IQGAP1: variants seen among roughly 807,000 people sequenced by gnomAD.
IQGAP1 encodes the protein ras GTPase-activating-like protein IQGAP1.
Under a neutral mutation model 215.6 loss-of-function variants are expected in IQGAP1, and 66 were observed. The ratio of observed to expected loss-of-function variants is 0.31; its 90% CI spans 0.25 to 0.38. IQGAP1 has a LOEUF of 0.38. Ranked by LOEUF, IQGAP1 falls within the 10% of genes least tolerant of loss-of-function variation. IQGAP1 has a pLI of 1.00. For missense variants in IQGAP1, 1,712 were observed against 1,997.1 expected (o/e 0.86, Z 2.72); for synonymous variants, 772 against 728.7 (o/e 1.06, Z -0.96).
In IQGAP1 at chr15:90,388,795, A is replaced by C. The variant is rs374310292; in HGVS notation, c.55+399A>C. 1.8e-4 allele frequency among the ~76,000 whole-genome samples: 28 copies of C among 152,220 alleles called. No homozygotes were observed. In the East Asian group the frequency reaches 4.1e-3, roughly 22 times the overall value. On this transcript the variant is annotated intron_variant, in intron 1 of 37. Transcript: ENST00000268182. ...CCGTTTCGTGGAAAGGCGCTGCCCT[A>C]GTGTTGCCTGCGGGGTAGACCCAAG...
chr15:90,434,767 A>G (rs954813040), intron 5 of IQGAP1, among the ~76,000 whole-genome samples: 2 of 152,090 alleles, frequency 1.3e-5, no homozygotes, highest in East Asian at 3.8e-4. Context: ...AGAATGCTCC[A>G]ATTATAGCAT....
chr15:90,461,721 G>A (rs955875074), intron 15 of IQGAP1, among the ~76,000 whole-genome samples: 2 of 152,100 alleles, frequency 1.3e-5, no homozygotes, highest in Non-Finnish European at 2.9e-5. Flanking sequence ...CAGCTACTCA[G>A]GAGGCTGAGG....
In IQGAP1 at chr15:90,395,386, T is replaced by G. The variant is rs184393111; in HGVS notation, c.155+4513T>G. ...CCCGGGCCAGAGTGCAATGACGCTA[T>G]CTCGGCTCACTGCAAGCTCCGCCTC... On this transcript the variant is annotated intron_variant, in intron 2 of 37. Coordinates refer to ENST00000268182, the MANE Select transcript of IQGAP1 (RefSeq NM_003870.4). Among the ~76,000 whole-genome samples the G allele has an allele frequency of 2.9e-3, 445 of 152,154 alleles. 2 individuals are homozygous for G. The highest frequency in any genetic ancestry group is 0.014 in the Middle Eastern group (4 of 294).
Position 90,484,719 on chromosome 15 carries a change from C to G in IQGAP1, c.3921+367C>G, listed in dbSNP as rs560098779. Among the ~76,000 whole-genome samples the G allele has an allele frequency of 1.2e-3, 183 of 152,218 alleles. 1 individual carries two copies. The highest frequency in any genetic ancestry group is 4.2e-3 in the African/African-American group (173 of 41,548). On this transcript the variant is annotated intron_variant, in intron 30 of 37. Transcript: ENST00000268182. Reference sequence around the variant, plus strand: ...AGAGACGGGGTTTCACTGTGTTAGCCAGCATGGTGTCGATATCCTGACCTC... The same window carrying G: ...AGAGACGGGGTTTCACTGTGTTAGCGAGCATGGTGTCGATATCCTGACCTC...
At position 90,467,574 on chromosome 15, in the gene IQGAP1, T is replaced by TGAAA; in HGVS notation, c.2160_2161insGAAA (p.Ser721GlufsTer18). ...ATTTTGTGCAAAATTCTATGCAGCT[T>TGAAA]TCTCGGGAGGAGATCCAGGTAGGTT... On this transcript the variant is annotated frameshift_variant, in exon 18 of 38. Transcript: ENST00000268182. LOFTEE classifies it high-confidence loss of function. 6.2e-7 allele frequency: 1 copy of TGAAA among 1,611,314 alleles called. No individual in the cohort carries two copies. Among genetic ancestry groups the TGAAA allele is most frequent in the Non-Finnish European group, 8.5e-7 (1 of 1,179,072 alleles).
intron 31 of IQGAP1, chr15:90,486,585 A>G (rs10852132): frequency 0.21 from 38,183 of 182,240 alleles, 5,850 homozygotes; most frequent in African/African-American, 0.47. Context: ...ATAGAGATGG[A>G]GTCTCACTAT....
At position 90,390,799 on chromosome 15, in the gene IQGAP1, T is replaced by G. The variant is rs755017499; in HGVS notation, c.81T>G (p.Thr27=). The G allele has an allele frequency of 6.2e-7, 1 of 1,612,428 alleles. No individual in the cohort carries two copies. The highest frequency in any genetic ancestry group is 2.2e-5 in the East Asian group (1 of 44,886). The change falls in exon 2 of 38, where the codon ACT becomes ACG. Residue 27 remains threonine (T), a synonymous_variant. Coordinates refer to ENST00000268182, the MANE Select transcript of IQGAP1 (RefSeq NM_003870.4). The part of the protein sequence containing the change: ...YGSVLDNERL[T]AEEMDERRRQ... ...CTGTCCTGGATAATGAAAGACTTAC[T>G]GCAGAGGAGATGGATGAAAGGAGAC...
At chr15:90,439,258 C>A (rs1459860572) in intron 5 of IQGAP1, 74 bp from the exon 6 acceptor site, 3 of 1,030,890 alleles carry the variant, frequency 2.9e-6, no homozygotes, top group Admixed American at 3.7e-5. Flanking sequence ...ATACTTCATG[C>A]TGATTTTCGC....
Position 90,466,082 on chromosome 15 carries a change from G to A in IQGAP1, c.1858G>A (p.Ala620Thr), listed in dbSNP as rs763171893. Residue 620 changes from alanine to threonine, a missense_variant, in exon 16 of 38, where the codon GCA becomes ACA. By Grantham distance (58) the Ala-to-Thr change is moderately conservative. Coordinates refer to ENST00000268182, the MANE Select transcript of IQGAP1 (RefSeq NM_003870.4). The part of the protein sequence containing the change: ...IWQSNKDTQE[A>T]QKFALGIFAI... ...GCAGTCCAACAAAGACACCCAAGAA[G>A]CACAGAAGTGTATGTATCACCTGTT... 5.6e-6 allele frequency: 9 copies of A among 1,613,790 alleles called. No homozygotes were observed. The South Asian group carries it at 9.9e-5, about 18-fold the overall frequency.
chr15:90,482,226 T>G lies in IQGAP1; in HGVS notation c.3500T>G (p.Leu1167Arg). The change falls in exon 28 of 38, where the codon CTG (leucine) becomes CGG (arginine). Residue 1167 changes from leucine to arginine, a missense_variant. Leu to Arg is a moderately radical substitution (Grantham distance 102, BLOSUM62 -2). This residue lies in a region of IQGAP1 where 691 missense variants were observed against 923.0 expected (regional missense o/e 0.75). Coordinates refer to ENST00000268182, the MANE Select transcript of IQGAP1 (RefSeq NM_003870.4). ...GGGATGCGCTTCATTGCCAAAGTGC[T>G]GAAGGACTCGTTGCATGAGAAGTTC... ...PYGMRFIAKVLKDSLHEKFPD... is the reference protein window; with the variant it reads ...PYGMRFIAKVRKDSLHEKFPD... 6.2e-7 allele frequency: 1 copy of G among 1,614,254 alleles called. No individual in the cohort carries two copies. The highest frequency in any genetic ancestry group is 8.5e-7 in the Non-Finnish European group (1 of 1,180,036).
In IQGAP1 at chr15:90,499,108, A is replaced by C. The variant is rs188698070; in HGVS notation, c.4861-887A>C. ...TGGGATGACAGGCGTGAGCCACCAC[A>C]CCCGGCCTTGTGGGGTCCTTTCAAG... is the stretch of plus-strand genomic sequence containing the variant. On this transcript the variant is annotated intron_variant, in intron 37 of 37. Transcript: ENST00000268182. Among the ~76,000 whole-genome samples the C allele has an allele frequency of 8.5e-5, 13 of 152,164 alleles. No individual in the cohort carries two copies. The East Asian group carries it at 2.3e-3, about 27-fold the overall frequency.
chr15:90,444,061 CA>C (rs200855513), intron 9 of IQGAP1, among the ~76,000 whole-genome samples: 24,272 of 144,424 alleles, frequency 0.17, 2,653 homozygotes, highest in East Asian at 0.46. Context: ...GACTCTGTCT[CA>C]AAAAAAAAAA....
intron 15 of IQGAP1, among the ~76,000 whole-genome samples, chr15:90,461,443 T>TG (rs1965760237): frequency 6.6e-6 from 1 of 152,244 alleles, no homozygotes; most frequent in South Asian, 2.1e-4. Flanking sequence ...TTAGTGTTTG[T>TG]GGGACTCTTG....
In IQGAP1 at chr15:90,450,910, A is replaced by G. The variant is rs1596272871; in HGVS notation, c.1162+1267A>G. Among the ~76,000 whole-genome samples the G allele has an allele frequency of 2.1e-5, 3 of 141,724 alleles. No individual in the cohort carries two copies. The South Asian group carries it at 6.5e-4, about 31-fold the overall frequency. The allele number at this position is 141,724 out of a possible 152,430, so 93.0% of individuals were successfully genotyped here. A position where few individuals can be genotyped will look rare whatever the true frequency, so the allele number is the denominator to read the frequency against. ...GTTTGCAAATGTTTTCTCCTGTTCT[A>G]TATGTTGTCTCTTCACTTTGTTGTT... is the stretch of plus-strand genomic sequence containing the variant. On this transcript the variant is annotated intron_variant, in intron 11 of 37. Coordinates refer to ENST00000268182, the MANE Select transcript of IQGAP1 (RefSeq NM_003870.4).
Position 90,395,573 on chromosome 15 carries a change from G to T in IQGAP1, c.155+4700G>T, listed in dbSNP as rs528514880. ...CTGACCTCGTGATCCGCCCGCCTTG[G>T]CCTCCCACAGTGCTGGGATTACAGG... On this transcript the variant is annotated intron_variant, in intron 2 of 37. Transcript: ENST00000268182. 3.2e-4 allele frequency among the ~76,000 whole-genome samples: 48 copies of T among 152,298 alleles called. No individual in the cohort carries two copies. The South Asian group carries it at 8.9e-3, about 28-fold the overall frequency.
chr15:90,408,569 G>C (rs1964912458), intron 2 of IQGAP1, among the ~76,000 whole-genome samples: 1 of 152,170 alleles, frequency 6.6e-6, no homozygotes, highest in Non-Finnish European at 1.5e-5. Flanking sequence ...TCATGAAAAG[G>C]TTCGTGGAGG....
intron 2 of IQGAP1, among the ~76,000 whole-genome samples, chr15:90,395,711 G>A (rs941369766): frequency 1.3e-5 from 2 of 152,234 alleles, no homozygotes; most frequent in African/African-American, 4.8e-5. Context: ...TCAGTGCTTA[G>A]GTCTTGGACA....
intron 30 of IQGAP1, among the ~76,000 whole-genome samples, chr15:90,485,540 A>G (rs758056004): frequency 6.6e-6 from 1 of 152,116 alleles, no homozygotes; most frequent in African/African-American, 2.4e-5. Flanking sequence ...ACTGGGTTCA[A>G]GCAATTCTTC....
At position 90,486,941 on chromosome 15, in the gene IQGAP1, C is replaced by T; in HGVS notation, c.4025-13C>T. The T allele has an allele frequency of 6.2e-7, 1 of 1,613,330 alleles. No individual in the cohort carries two copies. Among genetic ancestry groups the T allele is most frequent in the East Asian group, 2.2e-5 (1 of 44,874 alleles). ...TTATTACGCTGACTCTTTCCACCCT[C>T]CCAAAACTTCAGGGGAAAGCTCTGG... On this transcript the variant is annotated splice_polypyrimidine_tract_variant and intron_variant, in intron 31 of 37. Transcript: ENST00000268182.
Sources: gnomAD v4.1 joint callset for allele counts (sites outside exome capture counted in the v4.1 genomes callset) on GRCh38, gnomAD v4.1.1 for gene constraint, gnomAD v4.1.1 regional missense constraint, MANE v1.5 for transcripts, NCBI Gene and HGNC (gene_info 2026-07-23, HGNC 2026-07-21) for gene names.